The following RSRC1 variants were observed in gnomAD, a reference collection of about 807,000 sequenced individuals.
RSRC1 encodes serine/Arginine-related protein 53.
A neutral mutation model predicts 49.1 loss-of-function variants in RSRC1; 39 were observed. That is an observed-to-expected ratio of 0.79 (90% CI 0.61 to 1.04). RSRC1 has a LOEUF of 1.04. RSRC1 is among the 50% of genes least tolerant of loss of function. The pLI, the probability that RSRC1 is intolerant of heterozygous loss-of-function variation, is 0.00. For missense variants in RSRC1, 388 were observed against 402.4 expected (o/e 0.96, Z 0.31); for synonymous variants, 143 against 130.8 (o/e 1.09, Z -0.63).
chr3:158,522,747 G>T (rs978212207), intron 7 of RSRC1, among the ~76,000 whole-genome samples: 5 of 151,966 alleles, frequency 3.3e-5, no homozygotes, highest in African/African-American at 9.7e-5. Context: ...TCCCTGGACA[G>T]TTAGAATTTT....
At chr3:158,251,035 A>T (rs1345508358) in intron 4 of RSRC1, among the ~76,000 whole-genome samples, 1 of 152,148 alleles carries the variant, frequency 6.6e-6, no homozygotes, top group South Asian at 2.1e-4. Flanking sequence ...ATAGGAGCCT[A>T]GTTTCATTCT....
chr3:158,542,587 G>A (rs1190023529), intron 8 of RSRC1, among the ~76,000 whole-genome samples: 5 of 152,166 alleles, frequency 3.3e-5, no homozygotes, highest in Admixed American at 6.5e-5. Context: ...ACCACATATT[G>A]TATGATTCCT....
chr3:158,383,919 G>A (rs539114858), intron 6 of RSRC1, among the ~76,000 whole-genome samples: 2 of 151,032 alleles, frequency 1.3e-5, no homozygotes, highest in East Asian at 3.9e-4. Context: ...ACTATTTTTG[G>A]TATTAAAAAA....
intron 4 of RSRC1, among the ~76,000 whole-genome samples, chr3:158,254,494 C>T (rs373144869): frequency 5.9e-5 from 9 of 151,874 alleles, no homozygotes; most frequent in South Asian, 2.1e-4. Flanking sequence ...TGCAGTGGTG[C>T]GATCTCGGTG....
intron 7 of RSRC1, among the ~76,000 whole-genome samples, chr3:158,490,364 G>T (rs1477408052): frequency 6.6e-6 from 1 of 152,148 alleles, no homozygotes; most frequent in Non-Finnish European, 1.5e-5. Flanking sequence ...GATTACAGGC[G>T]TGAGCCACCA....
At chr3:158,310,133 A>G (rs1728049510) in intron 5 of RSRC1, among the ~76,000 whole-genome samples, 1 of 151,622 alleles carries the variant, frequency 6.6e-6, no homozygotes, top group African/African-American at 2.4e-5. Context: ...ACCTTACTTC[A>G]CTTAAAAAGC....
At chr3:158,483,747 C>A (rs1738707502) in intron 7 of RSRC1, among the ~76,000 whole-genome samples, 1 of 152,036 alleles carries the variant, frequency 6.6e-6, no homozygotes, top group Non-Finnish European at 1.5e-5. Context: ...TAATTTTATT[C>A]TCAAGAATAT....
At chr3:158,198,273 G>T (rs1720770722) in intron 3 of RSRC1, among the ~76,000 whole-genome samples, 1 of 152,088 alleles carries the variant, frequency 6.6e-6, no homozygotes, top group African/African-American at 2.4e-5. Context: ...TTTGATTTGT[G>T]TTGGTTTAAA....
At chr3:158,188,643 T>C (rs1025127842) in intron 3 of RSRC1, among the ~76,000 whole-genome samples, 6 of 152,076 alleles carry the variant, frequency 3.9e-5, no homozygotes, top group African/African-American at 1.4e-4. Context: ...TGGTTGTTTA[T>C]GGTAGAAAGA....
chr3:158,402,729 T>G (rs1733957894), intron 6 of RSRC1, among the ~76,000 whole-genome samples: 1 of 151,876 alleles, frequency 6.6e-6, no homozygotes, highest in Admixed American at 6.6e-5. Flanking sequence ...AATATAAGAA[T>G]TAAAGAACAT....
intron 6 of RSRC1, among the ~76,000 whole-genome samples, chr3:158,456,274 AG>A (rs1737312120): frequency 6.6e-6 from 1 of 150,666 alleles, no homozygotes; most frequent in South Asian, 2.1e-4. Flanking sequence ...TGATTGAACC[AG>A]TAGATGGGGA....
intron 7 of RSRC1, among the ~76,000 whole-genome samples, chr3:158,472,587 C>T (rs537464998): frequency 2.0e-4 from 30 of 152,220 alleles, no homozygotes; most frequent in African/African-American, 6.5e-4. Flanking sequence ...TTTTTCCTTA[C>T]CCAAATCACT....
At chr3:158,206,028 A>G (rs1487956405) in intron 4 of RSRC1, among the ~76,000 whole-genome samples, 3 of 152,222 alleles carry the variant, frequency 2.0e-5, no homozygotes. Context: ...ATAGTAAACT[A>G]ACAGGAAGGC....
At chr3:158,535,420 T>G (rs906447719) in intron 7 of RSRC1, among the ~76,000 whole-genome samples, 7 of 151,596 alleles carry the variant, frequency 4.6e-5, no homozygotes, top group African/African-American at 1.7e-4. Flanking sequence ...TTAATTTGAT[T>G]GGTAGTATCA....
At chr3:158,512,598 G>A (rs919800467) in intron 7 of RSRC1, among the ~76,000 whole-genome samples, 37 of 152,142 alleles carry the variant, frequency 2.4e-4, no homozygotes, top group Admixed American at 2.4e-3. Flanking sequence ...GGCGATGCGG[G>A]CTCTTTTTTG....
chr3:158,133,158 T>C (rs1337677970), intron 3 of RSRC1, among the ~76,000 whole-genome samples: 2 of 152,230 alleles, frequency 1.3e-5, no homozygotes, highest in Non-Finnish European at 2.9e-5. Context: ...AAGTTTAAAC[T>C]ATGCATGAAA....
chr3:158,134,305 G>A (rs151112182), intron 3 of RSRC1, among the ~76,000 whole-genome samples: 49 of 151,996 alleles, frequency 3.2e-4, no homozygotes, highest in African/African-American at 1.0e-3. Context: ...TTATTATACC[G>A]TGTATTTATA....
rs560980039 is a variant in RSRC1, at chr3:158,393,274, G to A, written c.583+38366G>A. On this transcript the variant is annotated intron_variant, in intron 6 of 9. Coordinates refer to ENST00000611884, the MANE Select transcript of RSRC1 (RefSeq NM_001271838.2). ...GTAGAAGAATGAGAAAAACAAGAGCGAATCAATCCGAAAGCTAGTAGAAGA... is the reference window on the plus strand; with the variant it reads ...GTAGAAGAATGAGAAAAACAAGAGCAAATCAATCCGAAAGCTAGTAGAAGA... Among the ~76,000 whole-genome samples the A allele has an allele frequency of 1.6e-4, 24 of 151,796 alleles. No homozygotes were observed. In the East Asian group the frequency reaches 2.7e-3, roughly 17 times the overall value.
intron 4 of RSRC1, among the ~76,000 whole-genome samples, chr3:158,220,275 G>A (rs969224004): frequency 6.6e-6 from 1 of 151,518 alleles, no homozygotes; most frequent in African/African-American, 2.4e-5. Context: ...AAGTAGAAAG[G>A]AACTTGAAAT....
Sources: gnomAD v4.1 joint callset for allele counts (sites outside exome capture counted in the v4.1 genomes callset) on GRCh38, gnomAD v4.1.1 for gene constraint, MANE v1.5 for transcripts, NCBI Gene and HGNC (gene_info 2026-07-23, HGNC 2026-07-21) for gene names.